ZFYVE1: variants seen among roughly 807,000 people sequenced by gnomAD.
ZFYVE1 encodes the protein zinc finger FYVE domain-containing protein 1.
ZFYVE1 carries 30 observed loss-of-function variants against 74.4 expected under a neutral mutation model. The ratio of observed to expected loss-of-function variants is 0.40; its 90% CI spans 0.30 to 0.55. The LOEUF is 0.55. Ranked by LOEUF, ZFYVE1 falls within the 20% of genes least tolerant of loss-of-function variation. The pLI is 0.42. For missense variants in ZFYVE1, 703 were observed against 1,011.6 expected, an observed-to-expected ratio of 0.69 and a Z score of 4.14; for synonymous variants, 335 against 385.1, an observed-to-expected ratio of 0.87 and a Z score of 1.52.
chr14:72,996,229 G>T (rs537615880), intron 3 of ZFYVE1, among the ~76,000 whole-genome samples: 5 of 152,198 alleles, frequency 3.3e-5, no homozygotes, highest in African/African-American at 1.2e-4. Flanking sequence ...TTTGGATTTT[G>T]ATGTAGTCAA....
chr14:73,008,514 T>G (rs1427444971), intron 2 of ZFYVE1, among the ~76,000 whole-genome samples: 1 of 152,164 alleles, frequency 6.6e-6, no homozygotes, highest in Non-Finnish European at 1.5e-5. Flanking sequence ...TTAAAAAAAG[T>G]CATTTTTAGC....
At chr14:72,983,824 T>C (rs866027935) in intron 4 of ZFYVE1, among the ~76,000 whole-genome samples, 6 of 152,218 alleles carry the variant, frequency 3.9e-5, no homozygotes, top group African/African-American at 1.2e-4. Context: ...AAAGTGTTCC[T>C]ATTTCTCCAC....
chr14:72,990,785 C>A (rs906725646), intron 4 of ZFYVE1, among the ~76,000 whole-genome samples: 2 of 145,544 alleles, frequency 1.4e-5, no homozygotes, highest in African/African-American at 2.5e-5. Context: ...ACTGCAACCT[C>A]CACCTCCCAG....
chr14:72,993,093 C>T, intron 4 of ZFYVE1, 50 bp downstream of exon 4: 1 of 1,515,294 alleles, frequency 6.6e-7, no homozygotes, highest in Non-Finnish European at 8.9e-7. Context: ...AGTGTTCTCA[C>T]CACCCACTGG....
At chr14:73,023,915 C>A in intron 2 of ZFYVE1, 111 bp downstream of exon 2, 3 of 1,456,850 alleles carry the variant, frequency 2.1e-6, no homozygotes, top group Non-Finnish European at 2.8e-6. Flanking sequence ...AGAGGTCTTG[C>A]CTTTTAATGA....
chr14:72,975,524 G>A lies in ZFYVE1; in HGVS notation c.1806+27C>T. On this transcript the variant is annotated intron_variant, in intron 9 of 11. Coordinates refer to ENST00000556143, the MANE Select transcript of ZFYVE1 (RefSeq NM_021260.4). The surrounding 1 kb of genome is among the most constrained non-coding windows in gnomAD (Gnocchi z 4.1). The stretch of plus-strand genomic sequence containing the variant: ...TTAAGTAGGATGGGCTGTGCCAGGA[G>A]TGGAGGGGCATCCTGGCACACCATA... 2 of 1,598,576 alleles carry A rather than the reference G, an allele frequency of 1.3e-6. No individual in the cohort carries two copies. Among genetic ancestry groups the A allele is most frequent in the Non-Finnish European group, 1.7e-6 (2 of 1,171,946 alleles).
intron 2 of ZFYVE1, among the ~76,000 whole-genome samples, chr14:73,001,874 G>A (rs762587521): frequency 6.6e-6 from 1 of 152,010 alleles, no homozygotes; most frequent in Non-Finnish European, 1.5e-5. Flanking sequence ...CTTGAACCCA[G>A]GAAGCAGAGG....
intron 10 of ZFYVE1, 120 bp downstream of exon 10, chr14:72,974,659 C>A: frequency 7.5e-7 from 1 of 1,328,858 alleles, no homozygotes; most frequent in South Asian, 1.5e-5. Flanking sequence ...CTGGCCAAGA[C>A]CAGAAGTACT....
rs8022782 is a variant in ZFYVE1, at chr14:72,975,314, C to T, written c.1806+237G>A. 40,894 of 571,834 alleles carry T rather than the reference C, an allele frequency of 0.072. 1,715 individuals are homozygous for T. Among genetic ancestry groups the T allele is most frequent in the African/African-American group, 0.11 (5,701 of 53,594 alleles). 35.4% of individuals were successfully genotyped at this position (571,834 alleles called of 1,614,324 possible). On this transcript the variant is annotated intron_variant, in intron 9 of 11. Transcript: ENST00000556143. The surrounding 1 kb of genome is among the most constrained non-coding windows in gnomAD (Gnocchi z 4.1). ...AGCAATATTCACTGGTCGTCACACA[C>T]AAGGAAACTAAAACTCACCAAACAG...
At chr14:72,978,377 G>C (rs1261715761) in intron 6 of ZFYVE1, 143 bp from the exon 7 acceptor site, 4 of 718,102 alleles carry the variant, frequency 5.6e-6, no homozygotes, top group South Asian at 1.8e-5. Flanking sequence ...GATCAGCCTG[G>C]CCAACATGGT....
intron 1 of ZFYVE1, 51 bp downstream of exon 1, chr14:73,026,875 G>C (rs1894475124): frequency 3.9e-6 from 1 of 256,692 alleles, no homozygotes. Flanking sequence ...GCCCCGCGCT[G>C]GGCCGTGCCC....
intron 3 of ZFYVE1, among the ~76,000 whole-genome samples, chr14:72,994,680 G>A (rs189254323): frequency 2.6e-4 from 40 of 152,184 alleles, no homozygotes; most frequent in African/African-American, 8.2e-4. Flanking sequence ...CCTACTTCCC[G>A]AAAGTAACCA....
At chr14:72,979,666 A>C (rs553549940) in intron 5 of ZFYVE1, among the ~76,000 whole-genome samples, 1 of 152,092 alleles carries the variant, frequency 6.6e-6, no homozygotes, top group African/African-American at 2.4e-5. Flanking sequence ...AAAAAAAAAA[A>C]AAATACACCC....
At chr14:72,973,444 G>C (rs554557026) in intron 11 of ZFYVE1, among the ~76,000 whole-genome samples, 1 of 151,886 alleles carries the variant, frequency 6.6e-6, no homozygotes, top group Non-Finnish European at 1.5e-5. Context: ...AGCCAAGATC[G>C]CACCACTGTA....
At chr14:72,979,919 T>C (rs1228681917) in intron 5 of ZFYVE1, among the ~76,000 whole-genome samples, 2 of 152,178 alleles carry the variant, frequency 1.3e-5, no homozygotes, top group African/African-American at 4.8e-5. Flanking sequence ...AACAATGAGC[T>C]CTGCCATCCT....
chr14:72,991,333 G>A (rs1433745463), intron 4 of ZFYVE1, among the ~76,000 whole-genome samples: 1 of 152,010 alleles, frequency 6.6e-6, no homozygotes, highest in Non-Finnish European at 1.5e-5. Flanking sequence ...GGGACTACAG[G>A]TGCCCGCTAC....
At chr14:72,999,203 C>T (rs977345925) in intron 2 of ZFYVE1, among the ~76,000 whole-genome samples, 1 of 152,032 alleles carries the variant, frequency 6.6e-6, no homozygotes, top group African/African-American at 2.4e-5. Flanking sequence ...CCAAGGCAGG[C>T]AGATCCCCTG....
At chr14:73,019,101 T>C (rs905428962) in intron 2 of ZFYVE1, among the ~76,000 whole-genome samples, 2 of 152,196 alleles carry the variant, frequency 1.3e-5, no homozygotes, top group Non-Finnish European at 2.9e-5. Context: ...TTTACCACTA[T>C]AGTACACACT....
At chr14:72,988,571 CGGAGGT>C (rs1567351362) in intron 4 of ZFYVE1, among the ~76,000 whole-genome samples, 1 of 150,746 alleles carries the variant, frequency 6.6e-6, no homozygotes, top group African/African-American at 2.4e-5. Flanking sequence ...TTTTGGGAGG[CGGAGGT>C]GGGCGGGTCA....
Sources: gnomAD v4.1 joint callset for allele counts (sites outside exome capture counted in the v4.1 genomes callset) on GRCh38, gnomAD v4.1.1 for gene constraint, Gnocchi (gnomAD v3.1) non-coding constraint, MANE v1.5 for transcripts, NCBI Gene and HGNC (gene_info 2026-07-23, HGNC 2026-07-21) for gene names.